PRPF4: variants seen among roughly 807,000 people sequenced by gnomAD.
PRPF4 encodes U4/U6 small nuclear ribonucleoprotein Prp4.
PRPF4 carries 14 observed loss-of-function variants against 72.2 expected under a neutral mutation model. That is an observed-to-expected ratio of 0.19 (90% CI 0.13 to 0.30). The LOEUF is 0.30. Ranked by LOEUF, PRPF4 falls within the 10% of genes least tolerant of loss-of-function variation. The probability of loss-of-function intolerance (pLI) is 1.00; values close to 1 mark genes in which losing one functional copy is unlikely to be tolerated. For synonymous variants in PRPF4, 225 were observed against 232.2 expected (o/e 0.97, Z 0.28); for missense variants, 478 against 653.9 (o/e 0.73, Z 2.93).
rs571647333 is a variant in PRPF4, at chr9:113,290,540, G to A, written c.1097G>A (p.Gly366Asp). Residue 366 changes from glycine (G) to aspartate (D), a missense_variant, in exon 11 of 14, where the codon GGT becomes GAT. Physicochemically the swap from Gly to Asp is moderately conservative, Grantham distance 94. Transcript: ENST00000374198. ...CTGCATCAGGAAGGCCATAGCATGG[G>A]TGTGTATGACATTGCCTTCCATCAA... The part of the protein sequence containing the change: ...EILHQEGHSM[G>D]VYDIAFHQDG... 6.2e-7 allele frequency: 1 copy of A among 1,614,216 alleles called. No individual in the cohort carries two copies. Among genetic ancestry groups the A allele is most frequent in the South Asian group, 1.1e-5 (1 of 91,078 alleles).
In PRPF4 at chr9:113,280,827, T is replaced by C. The variant is rs532539902; in HGVS notation, c.392+1696T>C. Among the ~76,000 whole-genome samples, 4 of 152,302 alleles carry C rather than the reference T, an allele frequency of 2.6e-5. No individual in the cohort carries two copies. The East Asian group carries it at 7.7e-4, about 29-fold the overall frequency. On this transcript the variant is annotated intron_variant, in intron 3 of 13. Transcript: ENST00000374198. ...ACTTTTATTCTTCTGTCTTGTCTTT[T>C]AGAGGCTTTTTTTCTTCCTTTTTTT...
rs773803385 is a variant in PRPF4 at position 113,282,638 on chromosome 9, T to C, written c.393-8T>C. On this transcript the variant is annotated splice_region_variant and splice_polypyrimidine_tract_variant and intron_variant, in intron 3 of 13. Coordinates refer to ENST00000374198, the MANE Select transcript of PRPF4 (RefSeq NM_001244926.2). Reference sequence around the variant, plus strand: ...TTAAATTCTGATCTTTTTTTTTTTTTTTAACAGGTTAAGAAATATCCTCTC... The same window carrying C: ...TTAAATTCTGATCTTTTTTTTTTTTCTTAACAGGTTAAGAAATATCCTCTC... The C allele has an allele frequency of 6.4e-7, 1 of 1,571,030 alleles. No homozygotes were observed. Among genetic ancestry groups the C allele is most frequent in the Non-Finnish European group, 8.6e-7 (1 of 1,158,648 alleles).
At position 113,275,740 on chromosome 9, in the gene PRPF4, C is replaced by A. The variant is rs1398296626; in HGVS notation, c.-4C>A. The A allele has an allele frequency of 6.2e-7, 1 of 1,611,960 alleles. No homozygotes were observed. The highest frequency in any genetic ancestry group is 8.5e-7 in the Non-Finnish European group (1 of 1,179,092). On this transcript the variant is annotated 5_prime_UTR_variant, in exon 1 of 14. Coordinates refer to ENST00000374198, the MANE Select transcript of PRPF4 (RefSeq NM_001244926.2). ...GCTGGGGCCTCGCGGCTCCAGAGCC[C>A]AGCATGGCTTCCTCGCGAGCCTCTT...
chr9:113,279,693 T>C (rs1445612913), intron 3 of PRPF4, among the ~76,000 whole-genome samples: 1 of 152,116 alleles, frequency 6.6e-6, no homozygotes, highest in Admixed American at 6.6e-5. Context: ...CTGGCCCGTT[T>C]TTCTTTATAG....
rs1030562035 is a variant in PRPF4, at chr9:113,275,687, A to G, written c.-57A>G. The G allele has an allele frequency of 1.3e-6, 2 of 1,573,978 alleles. No homozygotes were observed. Among genetic ancestry groups the G allele is most frequent in the Non-Finnish European group, 8.6e-7 (1 of 1,159,696 alleles). On this transcript the variant is annotated 5_prime_UTR_variant, in exon 1 of 14. Transcript: ENST00000374198. ...TTCCCCTCTGCTGGGCGCGCGGTGG[A>G]CGGTCTGAAAGGGAGTGTTCGGGTT...
At chr9:113,280,343 C>T (rs1158296711) in intron 3 of PRPF4, among the ~76,000 whole-genome samples, 1 of 152,176 alleles carries the variant, frequency 6.6e-6, no homozygotes, top group Non-Finnish European at 1.5e-5. Flanking sequence ...CAGCTCTACT[C>T]CCATGGCATC....
rs1832103162 is a variant in PRPF4 at position 113,276,569 on chromosome 9, G to A, written c.49G>A (p.Asp17Asn). ...SSTATKTKAP[D>N]DLVAPVVKKP... ...GCAGGCAACCAAAACTAAAGCACCC[G>A]ACGACTTAGTTGCTCCGGTCGTGAA... Residue 17 changes from aspartate (D) to asparagine (N), a missense_variant, in exon 2 of 14, where the codon GAC (aspartate) becomes AAC (asparagine). Coordinates refer to ENST00000374198, the MANE Select transcript of PRPF4 (RefSeq NM_001244926.2). 6.2e-7 allele frequency: 1 copy of A among 1,614,120 alleles called. No homozygotes were observed. The highest frequency in any genetic ancestry group is 1.1e-5 in the South Asian group (1 of 91,076).
At position 113,292,225 on chromosome 9, in the gene PRPF4, A is replaced by AT. The variant is rs1189849057; in HGVS notation, c.*565_*566insT. On this transcript the variant is annotated 3_prime_UTR_variant, in exon 14 of 14. Transcript: ENST00000374198. ...CAAGACCCTGTCTCAAAAAAAAAAA[A>AT]AATTTGTTCGAATGCCTTATAGCCT... 2.0e-5 allele frequency: 3 copies of AT among 152,490 alleles called. No homozygotes were observed. The allele number at this position is 152,490 out of a possible 1,614,324, so 9.4% of individuals were successfully genotyped here.
At chr9:113,283,360 C>T in intron 5 of PRPF4, 29 bp from the exon 6 acceptor site, 1 of 1,613,838 alleles carries the variant, frequency 6.2e-7, no homozygotes. Flanking sequence ...AACCCTGTTG[C>T]TCCTGGTGAT....
At chr9:113,278,312 GTT>G (rs1415743142) in intron 2 of PRPF4, among the ~76,000 whole-genome samples, 1 of 152,240 alleles carries the variant, frequency 6.6e-6, no homozygotes, top group Non-Finnish European at 1.5e-5. Flanking sequence ...CATCTGTCAG[GTT>G]TCTTATTGAT....
At chr9:113,286,433 T>TG in intron 8 of PRPF4, 143 bp downstream of exon 8, 1 of 911,716 alleles carries the variant, frequency 1.1e-6, no homozygotes. Flanking sequence ...GCTGCAAGAC[T>TG]GGACTATCAC....
At chr9:113,287,394 AGAT>A (rs1226051532) in intron 9 of PRPF4, among the ~76,000 whole-genome samples, 3 of 152,136 alleles carry the variant, frequency 2.0e-5, no homozygotes, top group Non-Finnish European at 4.4e-5. Context: ...ATTACCACGG[AGAT>A]GTCTCCTCGC....
chr9:113,278,848 A>G (rs1022620954), intron 2 of PRPF4, 97 bp from the exon 3 acceptor site: 3 of 1,191,660 alleles, frequency 2.5e-6, no homozygotes, highest in Non-Finnish European at 2.4e-6. Context: ...ATAGACAGTT[A>G]CTTTTCCCTC....
rs530113852 is a variant in PRPF4, at chr9:113,286,195, C to T, written c.750-37C>T. 5.1e-5 allele frequency: 82 copies of T among 1,613,126 alleles called. 1 individual carries two copies. The South Asian group carries it at 8.9e-4, about 18-fold the overall frequency. ...CCAAGGTACCTTTTCCTTCCCAGAC[C>T]AACCCTGGCTGAGATGCTTTCCTTT... On this transcript the variant is annotated intron_variant, in intron 7 of 13. Transcript: ENST00000374198.
chr9:113,276,524 TA>T (rs746729243), intron 1 of PRPF4, 23 bp from the exon 2 acceptor site: 1 of 1,613,836 alleles, frequency 6.2e-7, no homozygotes. Flanking sequence ...AACCTTAGTT[TA>T]ATGCAGATCT....
At chr9:113,276,847 G>A (rs139873395) in intron 2 of PRPF4, 122 bp downstream of exon 2, 94,574 of 1,133,530 alleles carry the variant, frequency 0.083, 6,304 homozygotes, top group East Asian at 0.35. Flanking sequence ...ACAGAGTCTC[G>A]CTCTGTCGCC....
Position 113,276,774 on chromosome 9 carries a change from C to A in PRPF4, c.205+49C>A, listed in dbSNP as rs368303132. On this transcript the variant is annotated intron_variant, in intron 2 of 13. Transcript: ENST00000374198. ...TCTTTACCTCTTTGTGTAATGAATA[C>A]CTTTCTAAACTTAAATACCACAGTT... 8.7e-5 allele frequency: 132 copies of A among 1,522,488 alleles called. No individual in the cohort carries two copies. The African/African-American group carries it at 1.6e-3, about 19-fold the overall frequency. The allele number at this position is 1,522,488 out of a possible 1,614,324, so 94.3% of individuals were successfully genotyped here. A position where few individuals can be genotyped will look rare whatever the true frequency, so the allele number is the denominator to read the frequency against.
At chr9:113,284,178 TTGGGA>T (rs1832366288) in intron 6 of PRPF4, 112 bp from the exon 7 acceptor site, 3 of 698,456 alleles carry the variant, frequency 4.3e-6, no homozygotes, top group Non-Finnish European at 7.2e-6. Context: ...TAGAAGAATC[TTGGGA>T]TGGGTTAAAA....
intron 3 of PRPF4, among the ~76,000 whole-genome samples, chr9:113,282,331 A>C (rs968837328): frequency 1.3e-5 from 2 of 152,078 alleles, no homozygotes; most frequent in Non-Finnish European, 2.9e-5. Context: ...AAAATTAGCC[A>C]GTTGTAGCAG....
Sources: allele counts gnomAD v4.1 joint callset (sites outside exome capture counted in the v4.1 genomes callset), GRCh38; gene constraint gnomAD v4.1.1; transcripts MANE v1.5; gene names NCBI Gene and HGNC (gene_info 2026-07-23, HGNC 2026-07-21).